Variants in GRM8 observed in about 807,000 individuals in gnomAD.
GRM8 encodes metabotropic glutamate receptor 8.
A neutral mutation model predicts 87.2 loss-of-function variants in GRM8; 47 were observed. The ratio of observed to expected loss-of-function variants is 0.54; its 90% CI spans 0.43 to 0.69. The LOEUF (loss-of-function observed/expected upper bound fraction) is 0.69, where lower values mean the gene tolerates loss of function less well. GRM8 is among the 30% of genes least tolerant of loss of function. The pLI is 0.00. For missense variants in GRM8, 1,019 were observed against 1,139.2 expected (o/e 0.89, Z 1.52); for synonymous variants, 396 against 404.5 (o/e 0.98, Z 0.25).
intron 7 of GRM8, among the ~76,000 whole-genome samples, chr7:126,710,616 C>A (rs890984863): frequency 2.0e-5 from 3 of 152,224 alleles, no homozygotes; most frequent in Admixed American, 6.6e-5. Flanking sequence ...TCAGGCTCTA[C>A]TTTCTAATTC....
Position 127,045,164 on chromosome 7 carries a change from A to G in GRM8, c.727+61332T>C, listed in dbSNP as rs376798106. 1.2e-4 allele frequency among the ~76,000 whole-genome samples: 19 copies of G among 152,316 alleles called. No individual in the cohort carries two copies. In the East Asian group the frequency reaches 2.7e-3, roughly 22 times the overall value. ...ACTCAAATGCATGACTTCAAAGTCT[A>G]TCACTGTGGATTAATTTGTTCCATT... On this transcript the variant is annotated intron_variant, in intron 3 of 10. Coordinates refer to ENST00000339582, the MANE Select transcript of GRM8 (RefSeq NM_000845.3).
intron 8 of GRM8, among the ~76,000 whole-genome samples, chr7:126,594,054 C>G (rs940013171): frequency 1.3e-5 from 2 of 151,944 alleles, no homozygotes; most frequent in Admixed American, 6.6e-5. Context: ...GGTATCACTT[C>G]ACACATGATA....
intron 2 of GRM8, among the ~76,000 whole-genome samples, chr7:127,186,949 G>A (rs1237633428): frequency 6.6e-6 from 1 of 152,134 alleles, no homozygotes; most frequent in Non-Finnish European, 1.5e-5. Flanking sequence ...TGAGGGATCT[G>A]AGAAATAAAG....
chr7:126,621,591 G>A (rs1281887267), intron 7 of GRM8, among the ~76,000 whole-genome samples: 1 of 151,812 alleles, frequency 6.6e-6, no homozygotes, highest in Non-Finnish European at 1.5e-5. Context: ...GCCAATTTTT[G>A]TAGTTTTAGT....
At chr7:126,720,754 C>T (rs1812309934) in intron 7 of GRM8, among the ~76,000 whole-genome samples, 1 of 152,074 alleles carries the variant, frequency 6.6e-6, no homozygotes, top group East Asian at 1.9e-4. Context: ...TTAATACTTC[C>T]TCGACCAAAG....
intron 2 of GRM8, among the ~76,000 whole-genome samples, chr7:127,226,745 A>G (rs899938874): frequency 1.6e-4 from 24 of 152,266 alleles, no homozygotes; most frequent in Admixed American, 1.4e-3. Flanking sequence ...AATTCATGCT[A>G]GAGCTCCCAA....
At chr7:126,461,584 A>C (rs1248854495) in intron 9 of GRM8, among the ~76,000 whole-genome samples, 1 of 151,488 alleles carries the variant, frequency 6.6e-6, no homozygotes, top group Non-Finnish European at 1.5e-5. Flanking sequence ...CTTTTTCTCC[A>C]ATATCCTGCC....
chr7:127,053,563 G>A (rs1819682901), intron 3 of GRM8, among the ~76,000 whole-genome samples: 1 of 152,132 alleles, frequency 6.6e-6, no homozygotes, highest in South Asian at 2.1e-4. Context: ...GCCGTGGCAG[G>A]CGGATCACAA....
chr7:126,944,046 C>G (rs1229772711), intron 3 of GRM8, among the ~76,000 whole-genome samples: 1 of 152,110 alleles, frequency 6.6e-6, no homozygotes, highest in Non-Finnish European at 1.5e-5. Context: ...TATTAACAAG[C>G]AAATAAAGCT....
At position 126,555,273 on chromosome 7, in the gene GRM8, G is replaced by A. The variant is rs13244888; in HGVS notation, c.1495-21386C>T. Among the ~76,000 whole-genome samples the A allele has an allele frequency of 6.3e-3, 953 of 152,326 alleles. 7 individuals carry two copies. The highest frequency in any genetic ancestry group is 8.0e-3 in the Non-Finnish European group (545 of 68,036). On this transcript the variant is annotated intron_variant, in intron 8 of 10. Coordinates refer to ENST00000339582, the MANE Select transcript of GRM8 (RefSeq NM_000845.3). ...TTAGGTTGCAGAGTGCTCATAGCTG[G>A]ATGTGAAGAAGCAAACTACGTAAAT...
chr7:126,605,385 A>G (rs926397880), intron 8 of GRM8, among the ~76,000 whole-genome samples: 1 of 152,226 alleles, frequency 6.6e-6, no homozygotes, highest in South Asian at 2.1e-4. Flanking sequence ...TTGCCAAATT[A>G]AGAACATATG....
At chr7:126,722,634 C>T (rs928038345) in intron 7 of GRM8, among the ~76,000 whole-genome samples, 5 of 152,070 alleles carry the variant, frequency 3.3e-5, no homozygotes, top group Non-Finnish European at 7.4e-5. Flanking sequence ...GCTAATGCTA[C>T]CCTTTTCTCA....
chr7:126,698,119 A>G (rs1448450400), intron 7 of GRM8, among the ~76,000 whole-genome samples: 3 of 152,158 alleles, frequency 2.0e-5, no homozygotes, highest in Non-Finnish European at 4.4e-5. Flanking sequence ...ACTCTTAAAC[A>G]TGCTACGTAT....
At chr7:126,502,212 A>G (rs1047015764) in intron 9 of GRM8, among the ~76,000 whole-genome samples, 1 of 152,076 alleles carries the variant, frequency 6.6e-6, no homozygotes, top group Admixed American at 6.6e-5. Flanking sequence ...TTGAGAATGG[A>G]AGAAAATGAC....
rs537558822 is a variant in GRM8 at position 126,701,336 on chromosome 7, T to C, written c.1357+68529A>G. Among the ~76,000 whole-genome samples, 11 of 152,288 alleles carry C rather than the reference T, an allele frequency of 7.2e-5. No individual in the cohort carries two copies. The South Asian group carries it at 2.3e-3, about 32-fold the overall frequency. On this transcript the variant is annotated intron_variant, in intron 7 of 10. Transcript: ENST00000339582. ...CCCACTGCTGAGTCATTTACAGCTTTTATCGTAGTTAATGCCAATGATTAT... is the reference window on the plus strand; with the variant it reads ...CCCACTGCTGAGTCATTTACAGCTTCTATCGTAGTTAATGCCAATGATTAT...
chr7:127,224,392 G>A (rs1325156695), intron 2 of GRM8, among the ~76,000 whole-genome samples: 2 of 152,206 alleles, frequency 1.3e-5, no homozygotes, highest in South Asian at 2.1e-4. Flanking sequence ...GTAGGAAGCA[G>A]TGCAACATTT....
intron 7 of GRM8, among the ~76,000 whole-genome samples, chr7:126,674,714 G>C (rs963091868): frequency 6.6e-6 from 1 of 152,078 alleles, no homozygotes; most frequent in African/African-American, 2.4e-5. Context: ...AGCAACCATG[G>C]CAACAAGGCA....
At chr7:126,453,845 G>A (rs558531414) in intron 9 of GRM8, among the ~76,000 whole-genome samples, 1 of 151,662 alleles carries the variant, frequency 6.6e-6, no homozygotes, top group African/African-American at 2.4e-5. Flanking sequence ...GTAAACTGAT[G>A]TTGCATTTTC....
chr7:126,830,402 C>A (rs1432915955), intron 6 of GRM8, among the ~76,000 whole-genome samples: 1 of 152,118 alleles, frequency 6.6e-6, no homozygotes, highest in Non-Finnish European at 1.5e-5. Context: ...TTGTTCATTT[C>A]TTTTTATTAT....
Sources: gnomAD v4.1 joint callset for allele counts (sites outside exome capture counted in the v4.1 genomes callset) on GRCh38, gnomAD v4.1.1 for gene constraint, MANE v1.5 for transcripts, NCBI Gene and HGNC (gene_info 2026-07-23, HGNC 2026-07-21) for gene names.